The following TTC3 variants were observed in gnomAD, a reference collection of about 807,000 sequenced individuals.
The protein encoded by TTC3 is tetratricopeptide repeat domain 3, also known as E3 ubiquitin-protein ligase TTC3.
TTC3 carries 180 observed loss-of-function variants against 249.6 expected under a neutral mutation model. The ratio of observed to expected loss-of-function variants is 0.72; its 90% confidence interval spans 0.64 to 0.82. The LOEUF (loss-of-function observed/expected upper bound fraction) is 0.82. TTC3 is among the 40% of genes least tolerant of loss of function. TTC3 has a pLI of 0.00. For synonymous variants in TTC3, 717 were observed against 805.0 expected, an observed-to-expected ratio of 0.89 and a Z score of 1.85; for missense variants, 2,061 against 2,398.4, an observed-to-expected ratio of 0.86 and a Z score of 2.94.
At chr21:37,172,884 G>A in intron 35 of TTC3, 140 bp downstream of exon 35, 1 of 1,078,730 alleles carries the variant, frequency 9.3e-7, no homozygotes, top group Non-Finnish European at 1.3e-6. Context: ...GCCTGCTTCA[G>A]ATTTCTTCAT....
At chr21:37,197,403 G>T (rs1172065110) in intron 42 of TTC3, among the ~76,000 whole-genome samples, 167 bp from the exon 43 acceptor site, 1 of 150,882 alleles carries the variant, frequency 6.6e-6, no homozygotes, top group Non-Finnish European at 1.5e-5. Flanking sequence ...AAAAAAAAAA[G>T]TTATGCTTTT....
intron 27 of TTC3, among the ~76,000 whole-genome samples, chr21:37,156,098 G>A (rs1433757518): frequency 2.0e-5 from 3 of 151,290 alleles, no homozygotes; most frequent in Admixed American, 1.3e-4. Context: ...GTGCAGTGGC[G>A]CCGTCATAGC....
exon 20 of TTC3, chr21:37,140,561 G>A: frequency 6.4e-7 from 1 of 1,570,900 alleles, no homozygotes; most frequent in Non-Finnish European, 8.6e-7. Context: ...GCTATTCAAG[G>A]AATTATCTGA....
At chr21:37,144,667 G>A (rs778958208) in intron 21 of TTC3, 22 bp downstream of exon 21, 3 of 1,601,260 alleles carry the variant, frequency 1.9e-6, no homozygotes, top group African/African-American at 2.7e-5. Flanking sequence ...TTTTTGCAGA[G>A]TGTTTCTTAC....
chr21:37,197,936 A>C, exon 44 of TTC3: 1 of 1,614,116 alleles, frequency 6.2e-7, no homozygotes, highest in Non-Finnish European at 8.5e-7. Flanking sequence ...CACCCCCGTG[A>C]CCAGGTCCTC....
chr21:37,195,336 G>T (rs2084764558), intron 41 of TTC3, among the ~76,000 whole-genome samples: 1 of 152,132 alleles, frequency 6.6e-6, no homozygotes, highest in Admixed American at 6.5e-5. Flanking sequence ...TGTTCCATCT[G>T]TCAGCTACAT....
chr21:37,108,364 A>G (rs1186153447), intron 10 of TTC3, 28 bp from the exon 11 acceptor site: 1 of 1,595,650 alleles, frequency 6.3e-7, no homozygotes, highest in African/African-American at 1.4e-5. Context: ...AAGAGTGAAA[A>G]TTTTTAAATA....
chr21:37,121,987 A>G lies in TTC3; in HGVS notation c.1063+8A>G. ...AAATAGAAGACCTACAAGGTATTTCACCTAAGATTCTTTTGGTTACAGTCT... is the reference window on the plus strand; with the variant it reads ...AAATAGAAGACCTACAAGGTATTTCGCCTAAGATTCTTTTGGTTACAGTCT... On this transcript the variant is annotated splice_region_variant and intron_variant, in intron 12 of 45. Transcript: ENST00000355666. The G allele has an allele frequency of 1.9e-6, 3 of 1,598,452 alleles. No individual in the cohort carries two copies. Among genetic ancestry groups the G allele is most frequent in the Non-Finnish European group, 2.6e-6 (3 of 1,173,224 alleles).
At chr21:37,109,209 T>C (rs1381519087) in intron 11 of TTC3, among the ~76,000 whole-genome samples, 1 of 152,132 alleles carries the variant, frequency 6.6e-6, no homozygotes, top group African/African-American at 2.4e-5. Flanking sequence ...TGCTGGACAG[T>C]GGGTGCAGGA....
intron 16 of TTC3, among the ~76,000 whole-genome samples, chr21:37,131,047 A>AAT (rs2077431097): frequency 6.6e-6 from 1 of 152,172 alleles, no homozygotes; most frequent in Non-Finnish European, 1.5e-5. Context: ...GTATAATAAA[A>AAT]ATATATATAT....
At chr21:37,088,275 C>T in exon 4 of TTC3, 1 of 1,613,576 alleles carries the variant, frequency 6.2e-7, no homozygotes, top group Non-Finnish European at 8.5e-7. Flanking sequence ...AAATAAACAT[C>T]TTCTGGCCAC....
At chr21:37,123,427 C>T (rs1217532055) in intron 13 of TTC3, among the ~76,000 whole-genome samples, 1 of 152,158 alleles carries the variant, frequency 6.6e-6, no homozygotes, top group Admixed American at 6.5e-5. Context: ...ACTTTTGCAC[C>T]AACCTAATAT....
chr21:37,077,272 T>C (rs1464683850), intron 1 of TTC3, among the ~76,000 whole-genome samples: 3 of 152,146 alleles, frequency 2.0e-5, no homozygotes, highest in Non-Finnish European at 4.4e-5. Context: ...AATGTCATCT[T>C]AATGGGTAAA....
intron 1 of TTC3, among the ~76,000 whole-genome samples, chr21:37,077,253 TA>T (rs2146857596): frequency 6.6e-6 from 1 of 152,322 alleles, no homozygotes; most frequent in East Asian, 1.9e-4. Context: ...CTTATGGTGA[TA>T]TTTTTTAAAT....
chr21:37,113,523 A>G (rs1318646565), intron 11 of TTC3, among the ~76,000 whole-genome samples: 3 of 152,244 alleles, frequency 2.0e-5, no homozygotes, highest in Non-Finnish European at 1.5e-5. Context: ...CCACTGCTCA[A>G]TGAAATAAAA....
chr21:37,201,783 T>C, exon 46 of TTC3: 2 of 678,672 alleles, frequency 2.9e-6, no homozygotes, highest in Non-Finnish European at 4.7e-6. Flanking sequence ...GCTAATAAAA[T>C]GACGGCTACC....
intron 34 of TTC3, among the ~76,000 whole-genome samples, chr21:37,169,598 C>G (rs968175531): frequency 6.6e-6 from 1 of 151,434 alleles, no homozygotes; most frequent in Non-Finnish European, 1.5e-5. Flanking sequence ...TGCCTGTAAT[C>G]CCAGCACTTT....
exon 39 of TTC3, chr21:37,188,590 T>C: frequency 6.2e-7 from 1 of 1,613,900 alleles, no homozygotes; most frequent in Non-Finnish European, 8.5e-7. Flanking sequence ...TGGGGCTGAT[T>C]AGCCGGTATT....
exon 19 of TTC3, chr21:37,138,691 C>G: frequency 6.2e-7 from 1 of 1,611,974 alleles, no homozygotes; most frequent in Non-Finnish European, 8.5e-7. Context: ...TGCCATTTCT[C>G]TCCTTGGAAT....
Sources: gnomAD v4.1 joint callset for allele counts (sites outside exome capture counted in the v4.1 genomes callset) on GRCh38, gnomAD v4.1.1 for gene constraint, MANE v1.5 for transcripts, NCBI Gene and HGNC (gene_info 2026-07-23, HGNC 2026-07-21) for gene names.